Variants in STXBP4 observed in about 807,000 individuals in gnomAD.
STXBP4 encodes the protein syntaxin-binding protein 4.
STXBP4 carries 55 observed loss-of-function variants against 76.1 expected under a neutral mutation model. The ratio of observed to expected loss-of-function variants is 0.72; its 90% CI spans 0.58 to 0.91. The LOEUF is 0.91. Among genes scored for constraint, STXBP4 ranks in the 40% least tolerant of loss-of-function variants. STXBP4 has a pLI of 0.00. For synonymous variants in STXBP4, 201 were observed against 220.2 expected, an observed-to-expected ratio of 0.91 and a Z score of 0.77; for missense variants, 618 against 636.9, an observed-to-expected ratio of 0.97 and a Z score of 0.32.
At chr17:55,102,206 C>G (rs762558023) in intron 16 of STXBP4, among the ~76,000 whole-genome samples, 1 of 151,842 alleles carries the variant, frequency 6.6e-6, no homozygotes, top group African/African-American at 2.4e-5. Flanking sequence ...ATACACATGC[C>G]ATGGTGGTTT....
At chr17:55,158,722 A>G (rs117641024) in intron 17 of STXBP4, among the ~76,000 whole-genome samples, 106 of 152,312 alleles carry the variant, frequency 7.0e-4, no homozygotes, top group African/African-American at 2.4e-3. Flanking sequence ...GATGCTGGTC[A>G]TTTGTTCTGA....
At chr17:55,203,613 C>T in the STXBP4 span, among the ~76,000 whole-genome samples, 3 of 152,038 alleles carry the variant, frequency 2.0e-5, no homozygotes, top group African/African-American at 7.2e-5. Context: ...AAAACTAGAC[C>T]CAGTGAAAAT....
At chr17:55,176,411 G>A (rs958973786), downstream of STXBP4, among the ~76,000 whole-genome samples, 3 of 152,226 alleles carry the variant, frequency 2.0e-5, no homozygotes, top group Non-Finnish European at 2.9e-5. Context: ...GAGACAGAGT[G>A]ATGCTGTGGG....
At chr17:55,069,945 T>TC (rs1403442478) in intron 12 of STXBP4, among the ~76,000 whole-genome samples, 1 of 152,062 alleles carries the variant, frequency 6.6e-6, no homozygotes, top group African/African-American at 2.4e-5. Context: ...TTAGAGTCTT[T>TC]TTTTTTTTAG....
In STXBP4 at chr17:55,172,036, A is replaced by T. The variant is rs1458499434; in HGVS notation, c.*12125A>T. 1 of 152,210 alleles carries T rather than the reference A, an allele frequency of 6.6e-6. No individual in the cohort carries two copies. Among genetic ancestry groups the T allele is most frequent in the Non-Finnish European group, 1.5e-5 (1 of 68,048 alleles). 9.4% of individuals were successfully genotyped at this position (152,210 alleles called of 1,614,324 possible). On this transcript the variant is annotated 3_prime_UTR_variant, in exon 18 of 18. Transcript: ENST00000376352. ...TGGTCATTCTTTGTAGATGTGAGTT[A>T]TTGCCCTATTGAGATCAGAAGTCCT...
At chr17:55,195,084 GA>G in the STXBP4 span, among the ~76,000 whole-genome samples, 2 of 152,314 alleles carry the variant, frequency 1.3e-5, no homozygotes, top group Admixed American at 6.5e-5. Flanking sequence ...CAATGAGTGA[GA>G]AATGTTAACA....
At chr17:54,985,082 G>A (rs1339493981) in intron 1 of STXBP4, among the ~76,000 whole-genome samples, 1 of 152,076 alleles carries the variant, frequency 6.6e-6, no homozygotes, top group Non-Finnish European at 1.5e-5. Context: ...TGAAAATCGG[G>A]TTTTTTAAAA....
chr17:54,992,186 G>A (rs1238518869), intron 4 of STXBP4, among the ~76,000 whole-genome samples: 1 of 152,062 alleles, frequency 6.6e-6, no homozygotes, highest in Non-Finnish European at 1.5e-5. Flanking sequence ...GGCAGAAGCA[G>A]GAAGATTGCT....
intron 12 of STXBP4, among the ~76,000 whole-genome samples, chr17:55,049,898 A>T (rs2078837247): frequency 6.6e-6 from 1 of 152,106 alleles, no homozygotes; most frequent in Non-Finnish European, 1.5e-5. Flanking sequence ...ACCAGGCAAG[A>T]TGGTTTCACA....
At chr17:55,185,242 T>TCTTCTTCTTCTTCTTCTC in the STXBP4 span, among the ~76,000 whole-genome samples, 2 of 50,340 alleles carry the variant, frequency 4.0e-5, no homozygotes, top group African/African-American at 2.1e-4. Context: ...TTCTTCTTCT[T>TCTTCTTCTTCTTCTTCTC]CTTCTTCTCC....
intron 1 of STXBP4, among the ~76,000 whole-genome samples, chr17:54,982,405 A>G (rs2077562477): frequency 6.6e-6 from 1 of 152,184 alleles, no homozygotes; most frequent in Non-Finnish European, 1.5e-5. Context: ...TCTGGAATAG[A>G]TTCATCTTTA....
At chr17:55,118,063 A>ATT (rs2079802724) in intron 16 of STXBP4, among the ~76,000 whole-genome samples, 1 of 151,972 alleles carries the variant, frequency 6.6e-6, no homozygotes, top group Non-Finnish European at 1.5e-5. Context: ...AGGGCCTATG[A>ATT]TATGTCACGC....
chr17:55,058,145 G>A (rs1232127079), intron 12 of STXBP4, among the ~76,000 whole-genome samples: 2 of 152,134 alleles, frequency 1.3e-5, no homozygotes, highest in African/African-American at 4.8e-5. Context: ...CTTCCACAAT[G>A]GTTGAACTAA....
At chr17:55,096,409 C>G (rs895854625) in intron 16 of STXBP4, among the ~76,000 whole-genome samples, 1 of 152,114 alleles carries the variant, frequency 6.6e-6, no homozygotes. Context: ...TATTTTAATT[C>G]GAATCATTCA....
chr17:55,193,760 T>A, the STXBP4 span, among the ~76,000 whole-genome samples: 53 of 147,608 alleles, frequency 3.6e-4, no homozygotes, highest in African/African-American at 1.3e-3. Flanking sequence ...CTCCATCATT[T>A]ACTTCCTGGG....
Position 55,034,319 on chromosome 17 carries a change from A to G in STXBP4, c.855+60A>G, listed in dbSNP as rs1045305384. On this transcript the variant is annotated intron_variant, in intron 10 of 17. Coordinates refer to ENST00000376352, the MANE Select transcript of STXBP4 (RefSeq NM_178509.6). Reference sequence around the variant, plus strand: ...ATAAGTCACAAGTCTTGAATGTTATATGTCATATGTGTAGGCTTTTTTCAC... The same window carrying G: ...ATAAGTCACAAGTCTTGAATGTTATGTGTCATATGTGTAGGCTTTTTTCAC... 4 of 1,157,982 alleles carry G rather than the reference A, an allele frequency of 3.5e-6. No individual in the cohort carries two copies. In the African/African-American group the frequency reaches 6.1e-5, roughly 18 times the overall value. The allele number at this position is 1,157,982 out of a possible 1,614,324, so 71.7% of individuals were successfully genotyped here.
chr17:55,086,366 A>G (rs1333386944), intron 16 of STXBP4, among the ~76,000 whole-genome samples: 1 of 152,180 alleles, frequency 6.6e-6, no homozygotes, highest in Non-Finnish European at 1.5e-5. Flanking sequence ...CATATCTATC[A>G]TCTCAAACAT....
intron 10 of STXBP4, among the ~76,000 whole-genome samples, chr17:55,037,632 T>C (rs913338684): frequency 6.6e-6 from 1 of 152,140 alleles, no homozygotes; most frequent in Non-Finnish European, 1.5e-5. Context: ...CAGATCAAAA[T>C]GTCGTGCAAT....
chr17:55,018,951 G>A (rs1347038955), intron 8 of STXBP4, among the ~76,000 whole-genome samples: 3 of 152,180 alleles, frequency 2.0e-5, no homozygotes, highest in African/African-American at 7.2e-5. Context: ...TAGGCTCAGA[G>A]CCCTGACAAG....
Sources: gnomAD v4.1 joint callset for allele counts (sites outside exome capture counted in the v4.1 genomes callset) on GRCh38, gnomAD v4.1.1 for gene constraint, MANE v1.5 for transcripts, NCBI Gene and HGNC (gene_info 2026-07-23, HGNC 2026-07-21) for gene names.